The following DCLK1 variants were observed in gnomAD, a reference collection of about 807,000 sequenced individuals.
The protein encoded by DCLK1 is doublecortin like kinase 1.
In DCLK1, 16 loss-of-function variants were observed where a neutral mutation model predicts 86.2. The observed-to-expected ratio is 0.19, with a 90% CI of 0.13 to 0.28. The LOEUF is 0.28. Among genes scored for constraint, DCLK1 ranks in the 10% least tolerant of loss-of-function variants. The pLI, the probability that DCLK1 is intolerant of heterozygous loss-of-function variation, is 1.00. For missense variants in DCLK1, 590 were observed against 940.2 expected, an observed-to-expected ratio of 0.63 and a Z score of 4.87; for synonymous variants, 369 against 370.5, an observed-to-expected ratio of 1.00 and a Z score of 0.05.
intron 5 of DCLK1, among the ~76,000 whole-genome samples, chr13:35,859,061 C>T (rs1871240713): frequency 6.6e-6 from 1 of 150,972 alleles, no homozygotes; most frequent in Non-Finnish European, 1.5e-5. Context: ...CCAGAAGTTT[C>T]TAAGTGCCAT....
chr13:36,083,525 A>G (rs1012072056), intron 3 of DCLK1, among the ~76,000 whole-genome samples: 2 of 152,230 alleles, frequency 1.3e-5, no homozygotes, highest in African/African-American at 4.8e-5. Context: ...CCATACAATC[A>G]TCAAAACATA....
intron 15 of DCLK1, among the ~76,000 whole-genome samples, chr13:35,804,358 T>G (rs1451093875): frequency 6.6e-6 from 1 of 150,590 alleles, no homozygotes; most frequent in Non-Finnish European, 1.5e-5. Flanking sequence ...GGTCTCAAAC[T>G]CCTAACCTCA....
intron 3 of DCLK1, among the ~76,000 whole-genome samples, chr13:36,069,124 G>T (rs1029079861): frequency 4.6e-5 from 7 of 152,140 alleles, no homozygotes; most frequent in Non-Finnish European, 8.8e-5. Flanking sequence ...TGAAGAAACC[G>T]AAGTTTTGTA....
chr13:35,897,029 G>C (rs1874046581), intron 4 of DCLK1, among the ~76,000 whole-genome samples: 1 of 152,078 alleles, frequency 6.6e-6, no homozygotes, highest in Non-Finnish European at 1.5e-5. Flanking sequence ...GAGGTCTAAG[G>C]CAGAACAGAG....
chr13:35,846,209 G>C, intron 6 of DCLK1: 1 of 985,218 alleles, frequency 1.0e-6, no homozygotes, highest in Non-Finnish European at 1.2e-6. Flanking sequence ...ACTGTGAGCA[G>C]AAAGTATGTA....
At chr13:35,939,036 T>G (rs138615962) in intron 4 of DCLK1, among the ~76,000 whole-genome samples, 1 of 152,216 alleles carries the variant, frequency 6.6e-6, no homozygotes, top group Admixed American at 6.5e-5. Context: ...TCTATATGTA[T>G]CCATAGTTTG....
In DCLK1 at chr13:35,769,068, T is replaced by C. The variant is rs911231474; in HGVS notation, c.*5467A>G. On this transcript the variant is annotated 3_prime_UTR_variant, in exon 17 of 17. Coordinates refer to ENST00000360631, the MANE Select transcript of DCLK1 (RefSeq NM_001330071.2). ...ACATCAAAAAAGCTCAGTTGATAAA[T>C]GAACATAATATATCACAGATGATTT... is the stretch of plus-strand genomic sequence containing the variant. The C allele has an allele frequency of 2.0e-5, 3 of 152,202 alleles. No individual in the cohort carries two copies. Among genetic ancestry groups the C allele is most frequent in the African/African-American group, 7.2e-5 (3 of 41,462 alleles). 9.4% of individuals were successfully genotyped at this position (152,202 alleles called of 1,614,324 possible).
intron 3 of DCLK1, among the ~76,000 whole-genome samples, chr13:35,952,224 T>C (rs1397915924): frequency 6.6e-6 from 1 of 152,208 alleles, no homozygotes; most frequent in Non-Finnish European, 1.5e-5. Flanking sequence ...AGTATGTACC[T>C]CCTAAGTTTT....
chr13:35,824,559 C>T (rs1566551958), intron 10 of DCLK1, among the ~76,000 whole-genome samples: 9 of 152,136 alleles, frequency 5.9e-5, no homozygotes, highest in Admixed American at 5.9e-4. Context: ...TCGCAGCCAT[C>T]TGGGCCTTCC....
At chr13:35,775,779 C>A (rs935412574) in intron 16 of DCLK1, among the ~76,000 whole-genome samples, 1 of 152,128 alleles carries the variant, frequency 6.6e-6, no homozygotes, top group African/African-American at 2.4e-5. Context: ...CTGTTAGCTC[C>A]TTCAAAGAAC....
intron 3 of DCLK1, among the ~76,000 whole-genome samples, chr13:36,070,908 G>A (rs1233192017): frequency 6.6e-6 from 1 of 152,070 alleles, no homozygotes. Context: ...GCCTCCCAAA[G>A]CACTGGGATT....
intron 4 of DCLK1, among the ~76,000 whole-genome samples, chr13:35,924,775 A>C (rs1876018314): frequency 6.6e-6 from 1 of 152,252 alleles, no homozygotes; most frequent in African/African-American, 2.4e-5. Context: ...TATTCACCAG[A>C]AAACTAAAAA....
chr13:36,052,734 C>T (rs1316670444), intron 3 of DCLK1, among the ~76,000 whole-genome samples: 1 of 152,124 alleles, frequency 6.6e-6, no homozygotes, highest in African/African-American at 2.4e-5. Flanking sequence ...AAAACTGTAC[C>T]TCTAGGCTTA....
At chr13:36,114,902 G>A (rs1174775877) in intron 2 of DCLK1, among the ~76,000 whole-genome samples, 1 of 152,196 alleles carries the variant, frequency 6.6e-6, no homozygotes, top group Non-Finnish European at 1.5e-5. Context: ...CTCTTCCTTA[G>A]TGTGACTGAG....
In DCLK1 at chr13:36,004,623, G is replaced by A. The variant is rs147581236; in HGVS notation, c.724-57166C>T. On this transcript the variant is annotated intron_variant, in intron 3 of 16. Transcript: ENST00000360631. ...TTTGTTTCTTTTTTGATACAGTCTC[G>A]CTCTGTTGCCCAGGCTGGAGTGCAG... Among the ~76,000 whole-genome samples, 399 of 152,100 alleles carry A rather than the reference G, an allele frequency of 2.6e-3. 3 individuals are homozygous for A. Among genetic ancestry groups the A allele is most frequent in the African/African-American group, 8.8e-3 (366 of 41,472 alleles).
rs1379643270 is a variant in DCLK1 at position 35,769,646 on chromosome 13, A to G, written c.*4889T>C. ...GACTGGAGTGAACTGACATTATAGCATCTTTATCATCACCTTTAAAATTCT... is the reference window on the plus strand; with the variant it reads ...GACTGGAGTGAACTGACATTATAGCGTCTTTATCATCACCTTTAAAATTCT... On this transcript the variant is annotated 3_prime_UTR_variant, in exon 17 of 17. Coordinates refer to ENST00000360631, the MANE Select transcript of DCLK1 (RefSeq NM_001330071.2). 6.6e-6 allele frequency: 1 copy of G among 152,216 alleles called. No individual in the cohort carries two copies. Among genetic ancestry groups the G allele is most frequent in the East Asian group, 1.9e-4 (1 of 5,198 alleles). 9.4% of individuals were successfully genotyped at this position (152,216 alleles called of 1,614,324 possible). A position where few individuals can be genotyped will look rare whatever the true frequency, so the allele number is the denominator to read the frequency against.
intron 3 of DCLK1, among the ~76,000 whole-genome samples, chr13:35,971,922 T>C (rs1879080994): frequency 6.6e-6 from 1 of 152,170 alleles, no homozygotes. Flanking sequence ...TTACAAATAA[T>C]TCCTGTCTTC....
At chr13:36,033,584 G>T (rs1593834988) in intron 3 of DCLK1, among the ~76,000 whole-genome samples, 1 of 152,230 alleles carries the variant, frequency 6.6e-6, no homozygotes, top group East Asian at 1.9e-4. Context: ...TAGGGTTTTA[G>T]ATAAAATATG....
rs73527278 is a variant in DCLK1, at chr13:36,103,763, C to G, written c.723+8106G>C. 8.5e-3 allele frequency among the ~76,000 whole-genome samples: 1,287 copies of G among 152,276 alleles called. 15 individuals carry two copies. The highest frequency in any genetic ancestry group is 0.029 in the African/African-American group (1,215 of 41,558). On this transcript the variant is annotated intron_variant, in intron 3 of 16. Transcript: ENST00000360631. ...ATATTATAGTCTGCCACCACAGACA[C>G]CCTTGAATACTGCAGGTTTGTGTCT...
Sources: allele counts gnomAD v4.1 joint callset (sites outside exome capture counted in the v4.1 genomes callset), GRCh38; gene constraint gnomAD v4.1.1; transcripts MANE v1.5; gene names NCBI Gene and HGNC (gene_info 2026-07-23, HGNC 2026-07-21).